Variants in GRM7 observed in about 807,000 individuals in gnomAD.
The protein encoded by GRM7 is metabotropic glutamate receptor 7.
A neutral mutation model predicts 84.5 loss-of-function variants in GRM7; 35 were observed. The observed-to-expected ratio is 0.41, with a 90% CI of 0.32 to 0.55. The LOEUF (loss-of-function observed/expected upper bound fraction) is 0.55. Among genes scored for constraint, GRM7 ranks in the 20% least tolerant of loss-of-function variants. GRM7 has a pLI of 0.19. For synonymous variants in GRM7, 487 were observed against 455.1 expected, an observed-to-expected ratio of 1.07 and a Z score of -0.89; for missense variants, 1,003 against 1,194.6, an observed-to-expected ratio of 0.84 and a Z score of 2.36.
chr3:7,637,095 T>C (rs558524819), intron 8 of GRM7, among the ~76,000 whole-genome samples: 1 of 152,344 alleles, frequency 6.6e-6, no homozygotes, highest in South Asian at 2.1e-4. Context: ...TGGGGAGATG[T>C]TGCAATTAGG....
At chr3:7,073,641 G>A (rs1428893219) in intron 1 of GRM7, among the ~76,000 whole-genome samples, 1 of 152,160 alleles carries the variant, frequency 6.6e-6, no homozygotes, top group Non-Finnish European at 1.5e-5. Flanking sequence ...ACCTGTTGCT[G>A]TCGATGAGTA....
At chr3:7,698,648 G>A (rs1259811554) in intron 9 of GRM7, among the ~76,000 whole-genome samples, 1 of 152,124 alleles carries the variant, frequency 6.6e-6, no homozygotes, top group East Asian at 1.9e-4. Flanking sequence ...ACTGACATGT[G>A]GGCCTGGACA....
In GRM7 at chr3:7,084,262, A is replaced by T. The variant is rs1011173609; in HGVS notation, c.520-62190A>T. Among the ~76,000 whole-genome samples, 4 of 152,050 alleles carry T rather than the reference A, an allele frequency of 2.6e-5. No homozygotes were observed. The East Asian group carries it at 7.8e-4, about 29-fold the overall frequency. On this transcript the variant is annotated intron_variant, in intron 1 of 9. Coordinates refer to ENST00000357716, the MANE Select transcript of GRM7 (RefSeq NM_000844.4). Reference sequence around the variant, plus strand: ...ACTTAGTACAGGATGGCATTTCTCAAGCATGGTTCCTGGGGCAGCTACAGC... The same window carrying T: ...ACTTAGTACAGGATGGCATTTCTCATGCATGGTTCCTGGGGCAGCTACAGC...
chr3:7,313,532 C>A (rs2125044430), intron 4 of GRM7, among the ~76,000 whole-genome samples: 1 of 152,144 alleles, frequency 6.6e-6, no homozygotes, highest in South Asian at 2.1e-4. Context: ...CCTCTGTATA[C>A]CCAGCACTTG....
At chr3:7,389,317 G>C (rs1393267624) in intron 4 of GRM7, among the ~76,000 whole-genome samples, 1 of 152,068 alleles carries the variant, frequency 6.6e-6, no homozygotes, top group Non-Finnish European at 1.5e-5. Context: ...ATTAGAATAT[G>C]TTTTATGTGC....
intron 9 of GRM7, among the ~76,000 whole-genome samples, chr3:7,687,851 T>C (rs1187189934): frequency 6.6e-6 from 1 of 152,164 alleles, no homozygotes; most frequent in African/African-American, 2.4e-5. Context: ...CTGTTGACTT[T>C]AGATGGATGC....
At chr3:7,072,046 T>C (rs538385717) in intron 1 of GRM7, among the ~76,000 whole-genome samples, 80 of 152,276 alleles carry the variant, frequency 5.3e-4, no homozygotes, top group African/African-American at 1.9e-3. Context: ...TTCCCTTTCA[T>C]GGATGGATTC....
intron 1 of GRM7, among the ~76,000 whole-genome samples, chr3:6,926,836 C>T (rs770593428): frequency 3.9e-5 from 6 of 152,122 alleles, no homozygotes; most frequent in Non-Finnish European, 5.9e-5. Flanking sequence ...CCATATTTTC[C>T]GTTTTGTGAA....
intron 5 of GRM7, among the ~76,000 whole-genome samples, chr3:7,440,572 C>T (rs1009888514): frequency 4.6e-5 from 7 of 152,018 alleles, no homozygotes; most frequent in East Asian, 3.9e-4. Flanking sequence ...TGAGTGTCGT[C>T]GGGGCTTGGT....
intron 4 of GRM7, among the ~76,000 whole-genome samples, chr3:7,353,243 C>T (rs993233781): frequency 6.6e-6 from 1 of 151,988 alleles, no homozygotes; most frequent in Non-Finnish European, 1.5e-5. Context: ...GTATACTATA[C>T]TCGAATAGAA....
intron 2 of GRM7, among the ~76,000 whole-genome samples, chr3:7,148,712 A>C (rs1161129084): frequency 2.0e-5 from 3 of 152,186 alleles, no homozygotes; most frequent in Non-Finnish European, 1.5e-5. Flanking sequence ...TGCTCTTATA[A>C]TATGATCTGA....
At chr3:7,602,480 T>G (rs778305523) in intron 8 of GRM7, among the ~76,000 whole-genome samples, 13 of 152,130 alleles carry the variant, frequency 8.5e-5, no homozygotes, top group Non-Finnish European at 1.3e-4. Flanking sequence ...CTGTAATTAC[T>G]TACAGATGCA....
intron 9 of GRM7, among the ~76,000 whole-genome samples, chr3:7,690,691 A>AGTGCAG (rs1386707076): frequency 6.6e-6 from 1 of 152,194 alleles, no homozygotes; most frequent in African/African-American, 2.4e-5. Context: ...ATACTTTCAA[A>AGTGCAG]GTGCACATGA....
chr3:7,537,964 G>C (rs1334416682), intron 7 of GRM7, among the ~76,000 whole-genome samples: 1 of 152,070 alleles, frequency 6.6e-6, no homozygotes, highest in African/African-American at 2.4e-5. Flanking sequence ...GAATAGTCTG[G>C]GCAAGATGAA....
At chr3:7,206,587 A>G (rs1696247344) in intron 2 of GRM7, among the ~76,000 whole-genome samples, 1 of 152,208 alleles carries the variant, frequency 6.6e-6, no homozygotes, top group Non-Finnish European at 1.5e-5. Flanking sequence ...GCTACATTGT[A>G]TCATCTTGGA....
At chr3:7,156,524 A>G (rs918034501) in intron 2 of GRM7, among the ~76,000 whole-genome samples, 3 of 152,170 alleles carry the variant, frequency 2.0e-5, no homozygotes, top group Non-Finnish European at 4.4e-5. Context: ...CTTTTGACTG[A>G]TAATTATTAT....
In GRM7 at chr3:7,298,777, C is replaced by A; in HGVS notation, c.830C>A (p.Thr277Asn). 1.2e-6 allele frequency: 2 copies of A among 1,613,158 alleles called. No individual in the cohort carries two copies. Among genetic ancestry groups the A allele is most frequent in the South Asian group, 2.2e-5 (2 of 91,054 alleles). Residue 277 changes from threonine (T) to asparagine (N), a missense_variant, in exon 3 of 10, where the codon ACC becomes AAC. Physicochemically the swap from Thr to Asn is moderately conservative, Grantham distance 65. This residue lies in a region of GRM7 where 910 missense variants were observed against 1,126.0 expected (regional missense o/e 0.81). Transcript: ENST00000357716. Reference sequence around the variant, plus strand: ...AGAATTATCAAACAGCTCCTGGACACCCCCAACTCCAGGGCCGTCGTGATT... The same window carrying A: ...AGAATTATCAAACAGCTCCTGGACAACCCCAACTCCAGGGCCGTCGTGATT... ...FDRIIKQLLD[T>N]PNSRAVVIFA...
At chr3:6,973,164 G>C (rs955228067) in intron 1 of GRM7, among the ~76,000 whole-genome samples, 1 of 152,160 alleles carries the variant, frequency 6.6e-6, no homozygotes, top group African/African-American at 2.4e-5. Context: ...AGTTTTAGAA[G>C]TGCTTTGAGA....
chr3:7,216,577 T>C (rs1256896869), intron 2 of GRM7, among the ~76,000 whole-genome samples: 1 of 152,154 alleles, frequency 6.6e-6, no homozygotes, highest in Non-Finnish European at 1.5e-5. Context: ...AACTGGAAAA[T>C]AACACATCTT....
Sources: allele counts gnomAD v4.1 joint callset (sites outside exome capture counted in the v4.1 genomes callset), GRCh38; gene constraint gnomAD v4.1.1; regional missense constraint gnomAD v4.1.1; transcripts MANE v1.5; gene names NCBI Gene and HGNC (gene_info 2026-07-23, HGNC 2026-07-21).